The following CFAP54 variants were observed in gnomAD, a reference collection of about 807,000 sequenced individuals.
The protein encoded by CFAP54 is cilia- and flagella-associated protein 54.
CFAP54 carries 290 observed loss-of-function variants against 370.4 expected under a neutral mutation model. The ratio of observed to expected loss-of-function variants is 0.78; its 90% CI spans 0.71 to 0.86. CFAP54 has a LOEUF of 0.86. Among genes scored for constraint, CFAP54 ranks in the 40% least tolerant of loss-of-function variants. CFAP54 has a pLI of 0.00. For synonymous variants in CFAP54, 1,206 were observed against 1,236.5 expected (o/e 0.98, Z 0.52); for missense variants, 3,399 against 3,528.7 (o/e 0.96, Z 0.93).
chr12:96,567,034 A>G (rs1955870893), intron 19 of CFAP54, among the ~76,000 whole-genome samples: 1 of 152,176 alleles, frequency 6.6e-6, no homozygotes, highest in Non-Finnish European at 1.5e-5. Flanking sequence ...ATAGTGGGGA[A>G]TGTTTAAGGA....
intron 66 of CFAP54, among the ~76,000 whole-genome samples, chr12:96,857,343 C>T (rs1420356171): frequency 1.3e-5 from 2 of 152,124 alleles, no homozygotes; most frequent in Non-Finnish European, 1.5e-5. Flanking sequence ...TCTTTGTGCC[C>T]ATAAGTTCTC....
chr12:96,615,220 C>G lies in CFAP54; in HGVS notation c.3640-6370C>G, dbSNP rs541673594. Among the ~76,000 whole-genome samples, 610 of 152,260 alleles carry G rather than the reference C, an allele frequency of 4.0e-3. 3 individuals carry two copies. Among genetic ancestry groups the G allele is most frequent in the Non-Finnish European group, 7.0e-3 (476 of 68,016 alleles). ...AGAAATAATACCACACATCTACAAC[C>G]ATCTGATCTTTGACAAACCTGACAA... On this transcript the variant is annotated intron_variant, in intron 26 of 67. Coordinates refer to ENST00000524981, the MANE Select transcript of CFAP54 (RefSeq NM_001306084.2).
chr12:96,625,176 A>G (rs1184157686), intron 28 of CFAP54, among the ~76,000 whole-genome samples: 1 of 152,084 alleles, frequency 6.6e-6, no homozygotes, highest in Non-Finnish European at 1.5e-5. Context: ...ACACATTAAA[A>G]CTCATGCAAC....
intron 55 of CFAP54, among the ~76,000 whole-genome samples, chr12:96,749,579 A>G (rs906349196): frequency 6.6e-6 from 1 of 152,134 alleles, no homozygotes; most frequent in African/African-American, 2.4e-5. Context: ...TTCTAAGTCT[A>G]TTATGTTTTC....
At chr12:96,562,334 C>A (rs558458947) in intron 17 of CFAP54, among the ~76,000 whole-genome samples, 223 of 151,806 alleles carry the variant, frequency 1.5e-3, no homozygotes, top group African/African-American at 4.9e-3. Context: ...AAATGTCATA[C>A]ATCAGAGAAC....
chr12:96,831,163 C>T (rs1280144071), intron 66 of CFAP54, among the ~76,000 whole-genome samples: 1 of 152,218 alleles, frequency 6.6e-6, no homozygotes, highest in Non-Finnish European at 1.5e-5. Flanking sequence ...TTTAGAAGAA[C>T]TATCTCTGTG....
chr12:96,759,154 C>T (rs1958303412), intron 58 of CFAP54, among the ~76,000 whole-genome samples: 2 of 151,798 alleles, frequency 1.3e-5, no homozygotes, highest in Admixed American at 6.6e-5. Flanking sequence ...TCAATTCTTA[C>T]CAATTATTCA....
chr12:96,845,397 G>A (rs867771621), intron 66 of CFAP54, among the ~76,000 whole-genome samples: 16 of 152,286 alleles, frequency 1.1e-4, no homozygotes, highest in Admixed American at 5.2e-4. Flanking sequence ...TGAAAACTTC[G>A]TTTTCTCAGC....
At chr12:96,577,392 C>T (rs992373705) in intron 20 of CFAP54, among the ~76,000 whole-genome samples, 5 of 152,170 alleles carry the variant, frequency 3.3e-5, no homozygotes, top group African/African-American at 1.2e-4. Context: ...TTTGGTTCTA[C>T]CTAATTTATA....
Position 96,522,147 on chromosome 12 carries a change from C to T in CFAP54, c.1116C>T (p.Val372=), listed in dbSNP as rs1461858760. Residue 372 remains valine (V), a synonymous_variant, in exon 8 of 68, where the codon GTC becomes GTT. Transcript: ENST00000524981. ...AATCTAGAAGAAAAAACAAAGCTGT[C>T]TTTAGACCTAAGATAAGAATTAACC... ...VFESRRKNKA[V]FRPKIRINLR... 1.2e-5 allele frequency: 19 copies of T among 1,535,402 alleles called. No homozygotes were observed. The highest frequency in any genetic ancestry group is 1.5e-5 in the Non-Finnish European group (17 of 1,146,734).
At chr12:96,820,439 A>T (rs900551045) in intron 65 of CFAP54, among the ~76,000 whole-genome samples, 4 of 152,182 alleles carry the variant, frequency 2.6e-5, no homozygotes, top group Non-Finnish European at 5.9e-5. Flanking sequence ...GAGTGAATGA[A>T]TGCATTTTTC....
chr12:96,656,151 C>T (rs554904116), intron 36 of CFAP54, among the ~76,000 whole-genome samples: 86 of 152,248 alleles, frequency 5.6e-4, no homozygotes, highest in African/African-American at 2.0e-3. Flanking sequence ...CATACAAAAT[C>T]TTCAAAACTT....
intron 22 of CFAP54, among the ~76,000 whole-genome samples, chr12:96,584,399 GGTTGCAGTGAGCCAA>G (rs1395343373): frequency 6.6e-6 from 1 of 152,194 alleles, no homozygotes; most frequent in Admixed American, 6.5e-5. Flanking sequence ...AGGAGGTGGA[GGTTGCAGTGAGCCAA>G]GATTATGCCA....
intron 50 of CFAP54, among the ~76,000 whole-genome samples, chr12:96,733,721 T>C (rs1378784435): frequency 6.6e-6 from 1 of 152,200 alleles, no homozygotes; most frequent in Admixed American, 6.5e-5. Context: ...TCTAGTGTAG[T>C]GGAGAAACTA....
chr12:96,534,266 C>A, intron 11 of CFAP54, 39 bp downstream of exon 11: 1 of 1,128,682 alleles, frequency 8.9e-7, no homozygotes, highest in Non-Finnish European at 1.2e-6. Context: ...TTTAGTTTGA[C>A]GAAATATGCT....
chr12:96,760,771 G>T (rs1323496820), intron 58 of CFAP54, among the ~76,000 whole-genome samples: 1 of 152,188 alleles, frequency 6.6e-6, no homozygotes, highest in Non-Finnish European at 1.5e-5. Flanking sequence ...GTTGACCCAT[G>T]TTGTAGTGTG....
At chr12:96,554,102 AATT>A in intron 15 of CFAP54, 77 bp from the exon 16 acceptor site, 3 of 897,102 alleles carry the variant, frequency 3.3e-6, no homozygotes, top group South Asian at 3.9e-5. Flanking sequence ...TGTGGTTTTG[AATT>A]ATTGTCAAAA....
intron 64 of CFAP54, among the ~76,000 whole-genome samples, chr12:96,815,822 C>T (rs1223034590): frequency 6.6e-6 from 1 of 152,150 alleles, no homozygotes; most frequent in African/African-American, 2.4e-5. Flanking sequence ...ACAGGGAATC[C>T]TTTCCCCATT....
intron 32 of CFAP54, among the ~76,000 whole-genome samples, chr12:96,640,956 C>G (rs1463046915): frequency 6.6e-6 from 1 of 151,916 alleles, no homozygotes; most frequent in Admixed American, 6.6e-5. Context: ...AATGTTAGAC[C>G]TAAAACCATA....
Sources: gnomAD v4.1 joint callset for allele counts (sites outside exome capture counted in the v4.1 genomes callset) on GRCh38, gnomAD v4.1.1 for gene constraint, MANE v1.5 for transcripts, NCBI Gene and HGNC (gene_info 2026-07-23, HGNC 2026-07-21) for gene names.